Variants in RWDD2B observed in about 807,000 individuals in gnomAD.
The protein encoded by RWDD2B is RWD domain-containing protein 2B.
A neutral mutation model predicts 33.6 loss-of-function variants in RWDD2B; 36 were observed. The ratio of observed to expected loss-of-function variants is 1.07; its 90% CI spans 0.82 to 1.42. The LOEUF (loss-of-function observed/expected upper bound fraction) is 1.42. Among genes scored for constraint, RWDD2B ranks in the 40% most tolerant of loss-of-function variants. The probability of loss-of-function intolerance (pLI) is 0.00; values close to 1 mark genes in which losing one functional copy is unlikely to be tolerated. For synonymous variants in RWDD2B, 126 were observed against 133.1 expected (o/e 0.95, Z 0.37); for missense variants, 364 against 377.5 (o/e 0.96, Z 0.30).
chr21:29,014,258 A>G (rs2084878934), intron 1 of RWDD2B, among the ~76,000 whole-genome samples: 1 of 152,204 alleles, frequency 6.6e-6, no homozygotes, highest in African/African-American at 2.4e-5. Context: ...CACTCCCACA[A>G]TAACTAACCC....
intron 1 of RWDD2B, among the ~76,000 whole-genome samples, chr21:29,016,511 G>A (rs550503831): frequency 3.3e-5 from 5 of 151,876 alleles, no homozygotes; most frequent in African/African-American, 7.2e-5. Flanking sequence ...TGATTCACCC[G>A]CCTTGGCCTC....
At chr21:29,017,122 T>C (rs1366796020) in intron 1 of RWDD2B, among the ~76,000 whole-genome samples, 3 of 151,444 alleles carry the variant, frequency 2.0e-5, no homozygotes, top group Non-Finnish European at 4.4e-5. Context: ...CCACCCGCCC[T>C]GGGCTCCCAA....
chr21:29,011,672 G>A (rs1411075632), intron 1 of RWDD2B, among the ~76,000 whole-genome samples: 204 of 124,872 alleles, frequency 1.6e-3, no homozygotes, highest in Middle Eastern at 4.7e-3. Context: ...CAGCCGCCCC[G>A]TCCGGGAGGT....
intron 1 of RWDD2B, among the ~76,000 whole-genome samples, chr21:29,013,558 C>T (rs1010245714): frequency 1.3e-5 from 2 of 151,590 alleles, no homozygotes; most frequent in Non-Finnish European, 1.5e-5. Context: ...GCGTGGTGGC[C>T]GGCGCCTGTA....
At chr21:29,016,460 C>T (rs1341919513) in intron 1 of RWDD2B, among the ~76,000 whole-genome samples, 2 of 152,104 alleles carry the variant, frequency 1.3e-5, no homozygotes, top group East Asian at 3.9e-4. Context: ...GATGGAGTTA[C>T]ACCATGTCAG....
At chr21:29,010,626 A>AAT (rs1568869930) in intron 1 of RWDD2B, among the ~76,000 whole-genome samples, 5 of 141,422 alleles carry the variant, frequency 3.5e-5, no homozygotes, top group African/African-American at 1.3e-4. Context: ...AAAATAAAAA[A>AAT]AAAAAACCAA....
Position 29,019,227 on chromosome 21 carries a change from C to A in RWDD2B, c.51G>T (p.Glu17Asp), listed in dbSNP as rs779204192. Residue 17 changes from glutamate (E) to aspartate (D), a missense_variant, in exon 1 of 5, where the codon GAG becomes GAT. Glu to Asp is a conservative substitution (Grantham distance 45). Coordinates refer to ENST00000493196, the MANE Select transcript of RWDD2B (RefSeq NM_016940.3). ...MQPWNPGYSS[E>D]GATAQETYTC... ...GAGACTCACCTTGAGCCGTGGCCCC[C>A]TCACTGCTGTAACCCGGGTTCCATG... The A allele has an allele frequency of 6.2e-7, 1 of 1,603,834 alleles. No homozygotes were observed. Among genetic ancestry groups the A allele is most frequent in the Non-Finnish European group, 8.5e-7 (1 of 1,176,106 alleles).
chr21:29,012,181 C>CT (rs1034116573), intron 1 of RWDD2B, among the ~76,000 whole-genome samples: 3 of 148,010 alleles, frequency 2.0e-5, no homozygotes, highest in Admixed American at 2.0e-4. Flanking sequence ...TGGTCAGCCC[C>CT]CCCCCGGGAG....
intron 1 of RWDD2B, among the ~76,000 whole-genome samples, chr21:29,016,450 G>T (rs187691102): frequency 2.6e-5 from 4 of 152,192 alleles, no homozygotes; most frequent in Admixed American, 6.5e-5. Context: ...ATTTAGTAGA[G>T]ATGGAGTTAC....
intron 4 of RWDD2B, 97 bp downstream of exon 4, chr21:29,007,664 C>A (rs1444208901): frequency 1.5e-6 from 2 of 1,333,856 alleles, no homozygotes; most frequent in Admixed American, 4.3e-5. Flanking sequence ...TATGTGTTGT[C>A]CACTGTTGAC....
At chr21:29,012,450 A>T (rs1467564029) in intron 1 of RWDD2B, among the ~76,000 whole-genome samples, 5 of 152,210 alleles carry the variant, frequency 3.3e-5, no homozygotes, top group Admixed American at 3.3e-4. Context: ...CTGCCTTGGG[A>T]TCCTGTAGAT....
chr21:29,014,814 CCTT>C (rs1483374812), intron 1 of RWDD2B, among the ~76,000 whole-genome samples: 1 of 151,968 alleles, frequency 6.6e-6, no homozygotes, highest in Non-Finnish European at 1.5e-5. Flanking sequence ...GAGCGAGACT[CCTT>C]CTAAAAATAA....
rs1370315498 is a variant in RWDD2B, at chr21:29,006,454, T to A, written c.923A>T (p.Asp308Val). 1.9e-6 allele frequency: 3 copies of A among 1,613,436 alleles called. No homozygotes were observed. The highest frequency in any genetic ancestry group is 8.5e-7 in the Non-Finnish European group (1 of 1,179,764). The change falls in exon 5 of 5, where the codon GAT becomes GTT. Residue 308 changes from aspartate (D) to valine (V), a missense_variant. Physicochemically the swap from Asp to Val is radical, Grantham distance 152. Transcript: ENST00000493196. The part of the protein sequence containing the change: ...YQFLNTKGCG[D>V]VFQMFFGVEG... ...TACACCAAAGAACATCTGGAAAACA[T>A]CCCCACATCCTTTGGTGTTTAAGAA...
chr21:29,014,559 C>T (rs750941517), intron 1 of RWDD2B, among the ~76,000 whole-genome samples: 6 of 152,180 alleles, frequency 3.9e-5, no homozygotes, highest in Admixed American at 6.5e-5. Flanking sequence ...CAGTGGCTCA[C>T]GCCTGTAATC....
Position 29,008,755 on chromosome 21 carries a change from T to TTAC in RWDD2B, c.68-137_68-135dup. 4.7e-6 allele frequency: 3 copies of TTAC among 642,920 alleles called. No homozygotes were observed. In the South Asian group the frequency reaches 5.9e-5, roughly 13 times the overall value. 39.8% of individuals were successfully genotyped at this position (642,920 alleles called of 1,614,324 possible). The stretch of plus-strand genomic sequence containing the variant: ...ACAATTTAATTAGTCTCTTTCCCTA[T>TTAC]TACTCTACTTTCAGATATAATATGC... On this transcript the variant is annotated intron_variant, in intron 1 of 4. Coordinates refer to ENST00000493196, the MANE Select transcript of RWDD2B (RefSeq NM_016940.3).
At position 29,009,150 on chromosome 21, in the gene RWDD2B, T is replaced by C. The variant is rs991175573; in HGVS notation, c.68-529A>G. Among the ~76,000 whole-genome samples, 3 of 152,052 alleles carry C rather than the reference T, an allele frequency of 2.0e-5. No individual in the cohort carries two copies. In the East Asian group the frequency reaches 5.8e-4, roughly 29 times the overall value. On this transcript the variant is annotated intron_variant, in intron 1 of 4. Coordinates refer to ENST00000493196, the MANE Select transcript of RWDD2B (RefSeq NM_016940.3). ...TCACCACAGCTGGAGTGCAGTGGCA[T>C]GATCCCCGCTCACTGCAACCTCAAC... is the stretch of plus-strand genomic sequence containing the variant.
rs1442072285 is a variant in RWDD2B at position 29,008,317 on chromosome 21, GAGA to G, written c.295-13_295-11del. 2 of 1,614,024 alleles carry G rather than the reference GAGA, an allele frequency of 1.2e-6. No individual in the cohort carries two copies. Among genetic ancestry groups the G allele is most frequent in the Non-Finnish European group, 8.5e-7 (1 of 1,179,880 alleles). On this transcript the variant is annotated splice_polypyrimidine_tract_variant and intron_variant, in intron 2 of 4. Transcript: ENST00000493196. ...CCAGAGAAAACATCGCCTGATTAAAGAGAAGAAGAAAAAGTGCACTAACCAATG... is the reference window on the plus strand; with the variant it reads ...CCAGAGAAAACATCGCCTGATTAAAGAGAAGAAAAAGTGCACTAACCAATG...
intron 4 of RWDD2B, among the ~76,000 whole-genome samples, chr21:29,007,199 T>C (rs543542032): frequency 2.6e-5 from 4 of 152,344 alleles, no homozygotes; most frequent in South Asian, 2.1e-4. Context: ...ACCAGATCCA[T>C]GGAAGTGGAT....
At chr21:29,010,372 C>T (rs540115794) in intron 1 of RWDD2B, among the ~76,000 whole-genome samples, 1 of 151,308 alleles carries the variant, frequency 6.6e-6, no homozygotes, top group East Asian at 2.0e-4. Flanking sequence ...TTGGGGAGGC[C>T]AAGGAGGGTG....
Sources: gnomAD v4.1 joint callset for allele counts (sites outside exome capture counted in the v4.1 genomes callset) on GRCh38, gnomAD v4.1.1 for gene constraint, MANE v1.5 for transcripts, NCBI Gene and HGNC (gene_info 2026-07-23, HGNC 2026-07-21) for gene names.